PHF7: variants seen among roughly 807,000 people sequenced by gnomAD.
The protein encoded by PHF7 is E3 ubiquitin-protein ligase PHF7.
A neutral mutation model predicts 47.5 loss-of-function variants in PHF7; 24 were observed. That is an observed-to-expected ratio of 0.51 (90% CI 0.37 to 0.71). The LOEUF (loss-of-function observed/expected upper bound fraction) is 0.71, where lower values mean the gene tolerates loss of function less well. Ranked by LOEUF, PHF7 falls within the 30% of genes least tolerant of loss-of-function variation. The probability of loss-of-function intolerance (pLI) is 0.00; values close to 1 mark genes in which losing one functional copy is unlikely to be tolerated. For missense variants in PHF7, 361 were observed against 456.8 expected (o/e 0.79, Z 1.91); for synonymous variants, 156 against 153.8 (o/e 1.01, Z -0.11).
rs867675579 is a variant in PHF7, at chr3:52,414,148, G to T, written c.94+100G>T. On this transcript the variant is annotated intron_variant, in intron 3 of 10. Transcript: ENST00000327906. ...ATACTTGCTTCTTCTCTCTCTCCCA[G>T]CCCTACTTCCTTCCTAGATTCTCTA... is the stretch of plus-strand genomic sequence containing the variant. 8 of 770,474 alleles carry T rather than the reference G, an allele frequency of 1.0e-5. No individual in the cohort carries two copies. In the South Asian group the frequency reaches 1.2e-4, roughly 12 times the overall value. 47.7% of individuals were successfully genotyped at this position (770,474 alleles called of 1,614,324 possible).
At chr3:52,419,312 G>A (rs913296509) in intron 4 of PHF7, among the ~76,000 whole-genome samples, 8 of 152,064 alleles carry the variant, frequency 5.3e-5, no homozygotes, top group African/African-American at 1.9e-4. Context: ...CTGTTGGGAG[G>A]ACTCAATGAG....
At chr3:52,412,963 T>TG in intron 2 of PHF7, 43 bp downstream of exon 2, 1 of 1,486,024 alleles carries the variant, frequency 6.7e-7, no homozygotes, top group Non-Finnish European at 9.4e-7. Flanking sequence ...AATTGTCCAA[T>TG]GGCCTGTGGT....
At chr3:52,414,761 C>G in intron 4 of PHF7, 174 bp downstream of exon 4, 1 of 323,594 alleles carries the variant, frequency 3.1e-6, no homozygotes, top group East Asian at 6.4e-5. Flanking sequence ...GTAATCCCAG[C>G]ACTCTGGGAG....
At position 52,423,165 on chromosome 3, in the gene PHF7, G is replaced by C. The variant is rs932997927; in HGVS notation, c.994G>C (p.Asp332His). ...TFHPEEHFCRDNTLEENPGLS... is the reference protein window; with the variant it reads ...TFHPEEHFCRHNTLEENPGLS... ...CCACCCTGAGGAACATTTCTGCAGA[G>C]ACAACACCTTGGAAGAGAATCCGGG... Residue 332 changes from aspartate to histidine, a missense_variant, in exon 11 of 11, where the codon GAC (aspartate) becomes CAC (histidine). Asp to His is a moderately conservative substitution (Grantham distance 81). Coordinates refer to ENST00000327906, the MANE Select transcript of PHF7 (RefSeq NM_016483.7). The C allele has an allele frequency of 3.1e-6, 5 of 1,613,986 alleles. No homozygotes were observed. Among genetic ancestry groups the C allele is most frequent in the Non-Finnish European group, 4.2e-6 (5 of 1,179,968 alleles).
intron 4 of PHF7, among the ~76,000 whole-genome samples, chr3:52,416,386 G>A (rs190561357): frequency 1.8e-4 from 27 of 150,642 alleles, no homozygotes; most frequent in African/African-American, 3.4e-4. Context: ...GGGTTTCACC[G>A]TGTTAGCCAG....
chr3:52,423,047 G>A lies in PHF7; in HGVS notation c.920-44G>A, dbSNP rs201125441. 2.5e-5 allele frequency: 37 copies of A among 1,508,950 alleles called. No homozygotes were observed. The East Asian group carries it at 7.7e-4, about 31-fold the overall frequency. 93.5% of individuals were successfully genotyped at this position (1,508,950 alleles called of 1,614,324 possible). A position where few individuals can be genotyped will look rare whatever the true frequency, so the allele number is the denominator to read the frequency against. On this transcript the variant is annotated intron_variant, in intron 10 of 10. Coordinates refer to ENST00000327906, the MANE Select transcript of PHF7 (RefSeq NM_016483.7). Reference sequence around the variant, plus strand: ...GGAGCTTAAGGACCTGTGCCTGGGAGAAGCAGAGGCTTGAGTTTTCCTCTC... The same window carrying A: ...GGAGCTTAAGGACCTGTGCCTGGGAAAAGCAGAGGCTTGAGTTTTCCTCTC...
At chr3:52,419,480 A>G (rs1352934381) in intron 4 of PHF7, among the ~76,000 whole-genome samples, 1 of 143,648 alleles carries the variant, frequency 7.0e-6, no homozygotes, top group Admixed American at 7.2e-5. Context: ...CCCAGGCTGG[A>G]GTGCAGTGGC....
intron 1 of PHF7, among the ~76,000 whole-genome samples, chr3:52,412,556 A>G (rs2153228873): frequency 6.6e-6 from 1 of 152,322 alleles, no homozygotes; most frequent in Middle Eastern, 3.4e-3. Context: ...TCCCATCTAT[A>G]TCACTTACTA....
At chr3:52,418,504 T>G (rs1355025345) in intron 4 of PHF7, among the ~76,000 whole-genome samples, 1 of 152,202 alleles carries the variant, frequency 6.6e-6, no homozygotes, top group African/African-American at 2.4e-5. Context: ...AGCCCTGAGA[T>G]AATTAGTTTT....
chr3:52,418,831 G>A (rs1357651068), intron 4 of PHF7, among the ~76,000 whole-genome samples: 4 of 148,794 alleles, frequency 2.7e-5, no homozygotes, highest in African/African-American at 7.5e-5. Flanking sequence ...TTTTTGAGAC[G>A]GAGTCTTGCT....
At position 52,423,577 on chromosome 3, in the gene PHF7, G is replaced by T; in HGVS notation, c.*260G>T. ...CCAAGGATTCTTCCACCTTAATCTT[G>T]TTTTCATATGCCTCTTCTTACTTCA... On this transcript the variant is annotated 3_prime_UTR_variant, in exon 11 of 11. Transcript: ENST00000327906. 1 of 370,140 alleles carries T rather than the reference G, an allele frequency of 2.7e-6. No homozygotes were observed. Among genetic ancestry groups the T allele is most frequent in the Non-Finnish European group, 4.9e-6 (1 of 203,844 alleles). The allele number at this position is 370,140 out of a possible 1,614,324, so 22.9% of individuals were successfully genotyped here.
rs750559380 is a variant in PHF7 at position 52,420,348 on chromosome 3, A to C, written c.326A>C (p.Asn109Thr). ...TGCAAGAAAAAGGGAGCTGCTATCA[A>C]CTGCCAGAAGGATCAGTGCCTCAGA... ...FVCKKKGAAI[N>T]CQKDQCLRNF... Residue 109 changes from asparagine to threonine, a missense_variant, in exon 6 of 11, where the codon AAC becomes ACC. By Grantham distance (65) the Asn-to-Thr change is moderately conservative (BLOSUM62 0). Coordinates refer to ENST00000327906, the MANE Select transcript of PHF7 (RefSeq NM_016483.7). 1.9e-6 allele frequency: 3 copies of C among 1,613,920 alleles called. No homozygotes were observed. In the East Asian group the frequency reaches 6.7e-5, roughly 36 times the overall value.
At chr3:52,414,625 G>A in intron 4 of PHF7, 38 bp downstream of exon 4, 2 of 1,215,866 alleles carry the variant, frequency 1.6e-6, no homozygotes, top group Non-Finnish European at 2.4e-6. Context: ...ATATCCTATG[G>A]CTTTTGGTGT....
intron 8 of PHF7, chr3:52,422,013 TGGAAC>T: frequency 1.7e-6 from 1 of 601,446 alleles, no homozygotes; most frequent in Non-Finnish European, 3.0e-6. Context: ...GATTCCAGAG[TGGAAC>T]TAAGGAACCT....
At chr3:52,417,701 C>G (rs1171867650) in intron 4 of PHF7, among the ~76,000 whole-genome samples, 3 of 152,144 alleles carry the variant, frequency 2.0e-5, no homozygotes, top group Non-Finnish European at 2.9e-5. Context: ...ACAGGATTCC[C>G]TATGCACATA....
Position 52,422,822 on chromosome 3 carries a change from C to T in PHF7, c.860C>T (p.Ser287Phe), listed in dbSNP as rs201931264. Residue 287 changes from serine to phenylalanine, a missense_variant, in exon 10 of 11, where the codon TCT (serine) becomes TTT (phenylalanine). Physicochemically the swap from Ser to Phe is radical, Grantham distance 155 (BLOSUM62 -2). Coordinates refer to ENST00000327906, the MANE Select transcript of PHF7 (RefSeq NM_016483.7). ...CACGGAACCCACAGGGACTGCTCCT[C>T]TCTTAGATCTAACAGTAAGAAATGG... ...GSHGTHRDCS[S>F]LRSNSKKWEC... 1.2e-6 allele frequency: 2 copies of T among 1,614,062 alleles called. No homozygotes were observed. Among genetic ancestry groups the T allele is most frequent in the African/African-American group, 2.7e-5 (2 of 75,024 alleles).
intron 5 of PHF7, 124 bp from the exon 6 acceptor site, chr3:52,420,187 A>G (rs770561969): frequency 9.1e-7 from 1 of 1,102,678 alleles, no homozygotes; most frequent in East Asian, 2.4e-5. Context: ...CAGAGCATTC[A>G]GGACCACTGA....
In PHF7 at chr3:52,410,999, C is replaced by T. The variant is rs1705408272; in HGVS notation, c.-318C>T. ...CATTCTTGCGGCGGCGGGTCGAACA[C>T]GTTTATTTATTTTTTATTTTCTCAA... On this transcript the variant is annotated 5_prime_UTR_variant, in exon 1 of 11. The change creates a new upstream start codon in the 5' untranslated region. Coordinates refer to ENST00000327906, the MANE Select transcript of PHF7 (RefSeq NM_016483.7). 1 of 152,176 alleles carries T rather than the reference C, an allele frequency of 6.6e-6. No individual in the cohort carries two copies. Among genetic ancestry groups the T allele is most frequent in the Non-Finnish European group, 1.5e-5 (1 of 68,030 alleles). The allele number at this position is 152,176 out of a possible 1,614,324, so 9.4% of individuals were successfully genotyped here.
intron 8 of PHF7, 72 bp downstream of exon 8, chr3:52,421,826 A>G: frequency 2.5e-6 from 2 of 795,472 alleles, no homozygotes; most frequent in Non-Finnish European, 4.5e-6. Flanking sequence ...GAGGTGAGTG[A>G]GAGGATAGTT....
Sources: allele counts gnomAD v4.1 joint callset (sites outside exome capture counted in the v4.1 genomes callset), GRCh38; gene constraint gnomAD v4.1.1; transcripts MANE v1.5; gene names NCBI Gene and HGNC (gene_info 2026-07-23, HGNC 2026-07-21).